SAP30BP: variants seen among roughly 807,000 people sequenced by gnomAD.
SAP30BP encodes SAP30 binding protein, also known as SAP30-binding protein.
Under a neutral mutation model 46.3 loss-of-function variants are expected in SAP30BP, and 31 were observed. The observed-to-expected ratio is 0.67, with a 90% confidence interval of 0.50 to 0.90. The LOEUF is 0.90. Ranked by LOEUF, SAP30BP falls within the 40% of genes least tolerant of loss-of-function variation. The probability of loss-of-function intolerance (pLI) is 0.00; values close to 1 mark genes in which losing one functional copy is unlikely to be tolerated. For synonymous variants in SAP30BP, 169 were observed against 144.2 expected (o/e 1.17, Z -1.23); for missense variants, 312 against 391.0 (o/e 0.80, Z 1.70).
chr17:75,702,731 C>T, intron 6 of SAP30BP, 160 bp downstream of exon 6: 1 of 470,074 alleles, frequency 2.1e-6, no homozygotes, highest in East Asian at 3.3e-5. Context: ...ACTGTGCTAA[C>T]CCAGCCAGAG....
At chr17:75,678,047 G>A (rs1398610127) in intron 3 of SAP30BP, among the ~76,000 whole-genome samples, 1 of 152,036 alleles carries the variant, frequency 6.6e-6, no homozygotes, top group African/African-American at 2.4e-5. Context: ...GTTGAGGGTG[G>A]GTTAGTATTC....
chr17:75,682,226 C>T (rs2060087457), intron 3 of SAP30BP, among the ~76,000 whole-genome samples: 1 of 151,632 alleles, frequency 6.6e-6, no homozygotes, highest in African/African-American at 2.4e-5. Flanking sequence ...CTCTTGTTGC[C>T]CAGGCTGGAG....
chr17:75,703,148 C>A, intron 6 of SAP30BP, 163 bp from the exon 7 acceptor site: 1 of 636,428 alleles, frequency 1.6e-6, no homozygotes, highest in Non-Finnish European at 2.8e-6. Context: ...CTAACAGGTC[C>A]ATCTCCCTGG....
At chr17:75,699,253 G>T (rs757380305) in intron 4 of SAP30BP, among the ~76,000 whole-genome samples, 7 of 152,006 alleles carry the variant, frequency 4.6e-5, no homozygotes, top group Non-Finnish European at 1.0e-4. Context: ...ACCCAGGCTG[G>T]AGTATAGTGG....
chr17:75,696,407 G>A (rs1481175745), intron 4 of SAP30BP, among the ~76,000 whole-genome samples: 1 of 151,646 alleles, frequency 6.6e-6, no homozygotes, highest in Admixed American at 6.6e-5. Flanking sequence ...AGCCAGGCAT[G>A]GTGGTACTTG....
intron 3 of SAP30BP, chr17:75,692,891 G>A (rs1444930668): frequency 6.6e-6 from 1 of 152,256 alleles, no homozygotes; most frequent in Non-Finnish European, 1.5e-5. Flanking sequence ...GAGGTTCCAT[G>A]AGCTGCCCCT....
chr17:75,706,065 A>G lies in SAP30BP; in HGVS notation c.718A>G (p.Thr240Ala). ...CACGACCAACGCCACGTCCACCACC[A>G]CTACCACTGCCAGCACAGCTGTTGC... ...GTTTNATSTT[T>A]TTASTAVADA... Residue 240 changes from threonine (T) to alanine (A), a missense_variant, in exon 10 of 11, where the codon ACT becomes GCT. Thr to Ala is a moderately conservative substitution (Grantham distance 58, BLOSUM62 0). Around this residue, in one of 2 missense-constraint regions of SAP30BP, gnomAD observed 296 missense variants for 346.6 expected, o/e 0.85. Coordinates refer to ENST00000584667, the MANE Select transcript of SAP30BP (RefSeq NM_013260.8). The surrounding 1 kb of genome is among the most constrained non-coding windows in gnomAD (Gnocchi z 4.6). 1.9e-6 allele frequency: 3 copies of G among 1,613,042 alleles called. No homozygotes were observed. The highest frequency in any genetic ancestry group is 2.5e-6 in the Non-Finnish European group (3 of 1,179,510).
At chr17:75,688,421 C>T (rs2060193671) in intron 3 of SAP30BP, among the ~76,000 whole-genome samples, 1 of 152,212 alleles carries the variant, frequency 6.6e-6, no homozygotes. Context: ...AGGAAACCCC[C>T]AGTCTGTAGC....
intron 6 of SAP30BP, 134 bp downstream of exon 6, chr17:75,702,705 C>T: frequency 1.9e-6 from 1 of 519,404 alleles, no homozygotes; most frequent in Non-Finnish European, 3.6e-6. Context: ...CACTGAGTGC[C>T]TGCTGGACAT....
At position 75,706,411 on chromosome 17, in the gene SAP30BP, A is replaced by C; in HGVS notation, c.817A>C (p.Thr273Pro). The C allele has an allele frequency of 6.2e-7, 1 of 1,614,070 alleles. No individual in the cohort carries two copies. The highest frequency in any genetic ancestry group is 8.5e-7 in the Non-Finnish European group (1 of 1,180,012). The change falls in exon 11 of 11, where the codon ACC becomes CCC. Residue 273 changes from threonine (T) to proline (P), a missense_variant. Thr to Pro is a conservative substitution (Grantham distance 38, BLOSUM62 -1). This residue lies in a region of SAP30BP where 296 missense variants were observed against 346.6 expected (regional missense o/e 0.85). Coordinates refer to ENST00000584667, the MANE Select transcript of SAP30BP (RefSeq NM_013260.8). This position sits in a 1 kb window ranked among gnomAD's most constrained non-coding sequence, Gnocchi z 4.6. ...VTTIAQPTIL[T>P]TTATLPAVVT... is the part of the protein sequence containing the mutation. ...AACGATAGCCCAGCCCACCATCCTC[A>C]CCACCACAGCCACCCTGCCAGCTGT...
At chr17:75,667,692 C>T (rs1345175155) in intron 1 of SAP30BP, among the ~76,000 whole-genome samples, 1 of 152,210 alleles carries the variant, frequency 6.6e-6, no homozygotes, top group Non-Finnish European at 1.5e-5. Flanking sequence ...CCTAAACTTA[C>T]TGAAAGACTC....
chr17:75,705,971 T>G (rs765505897), intron 9 of SAP30BP, 37 bp from the exon 10 acceptor site: 6 of 1,609,078 alleles, frequency 3.7e-6, no homozygotes, highest in Non-Finnish European at 4.2e-6. Context: ...GACACCCAGC[T>G]TTGCCTGGTC....
At chr17:75,685,199 T>C (rs2060138732) in intron 3 of SAP30BP, among the ~76,000 whole-genome samples, 1 of 152,184 alleles carries the variant, frequency 6.6e-6, no homozygotes, top group African/African-American at 2.4e-5. Flanking sequence ...CATGGATTGC[T>C]AACTGAGGTG....
Position 75,674,716 on chromosome 17 carries a change from T to G in SAP30BP, c.264+2853T>G, listed in dbSNP as rs867842183. 5.9e-5 allele frequency among the ~76,000 whole-genome samples: 8 copies of G among 136,456 alleles called. No homozygotes were observed. The South Asian group carries it at 9.9e-4, about 17-fold the overall frequency. 89.5% of individuals were successfully genotyped at this position (136,456 alleles called of 152,430 possible). ...TTTTTTGTTTTTTTTTTTTTTTTTTTTTTTTTTTTGAGGTGGAGTCTCCTC... is the reference window on the plus strand; with the variant it reads ...TTTTTTGTTTTTTTTTTTTTTTTTTGTTTTTTTTTGAGGTGGAGTCTCCTC... On this transcript the variant is annotated intron_variant, in intron 3 of 10. Coordinates refer to ENST00000584667, the MANE Select transcript of SAP30BP (RefSeq NM_013260.8).
intron 3 of SAP30BP, among the ~76,000 whole-genome samples, chr17:75,691,152 G>A (rs1219029307): frequency 2.0e-5 from 3 of 152,104 alleles, no homozygotes; most frequent in Non-Finnish European, 4.4e-5. Flanking sequence ...CTGAATGAGA[G>A]TCCTCTTGTT....
At chr17:75,687,917 G>GGGGTGTGTGTGTGT (rs557349211) in intron 3 of SAP30BP, among the ~76,000 whole-genome samples, 8 of 120,258 alleles carry the variant, frequency 6.7e-5, no homozygotes, top group African/African-American at 2.4e-4. Context: ...CAGTGTTTGG[G>GGGGTGTGTGTGTGT]GTGTGTGTGT....
chr17:75,699,515 A>G (rs920195519), intron 4 of SAP30BP, among the ~76,000 whole-genome samples: 4 of 152,100 alleles, frequency 2.6e-5, no homozygotes, highest in Non-Finnish European at 5.9e-5. Context: ...TAAAAAAAAA[A>G]AAAAAAACGG....
At chr17:75,701,820 G>A (rs553922530) in intron 5 of SAP30BP, among the ~76,000 whole-genome samples, 4 of 152,140 alleles carry the variant, frequency 2.6e-5, no homozygotes, top group Admixed American at 6.5e-5. Flanking sequence ...ACCCTACTTC[G>A]GATGATTCTG....
rs2060513549 is a variant in SAP30BP, at chr17:75,707,366, C to A, written c.*845C>A. On this transcript the variant is annotated 3_prime_UTR_variant, in exon 11 of 11. Coordinates refer to ENST00000584667, the MANE Select transcript of SAP30BP (RefSeq NM_013260.8). ...CCTTCCTCTGTGTGTTATCTCTGCC[C>A]CACAGCAGCCCCTGGGCAGCACCAG... 2.6e-5 allele frequency: 4 copies of A among 152,748 alleles called. No individual in the cohort carries two copies. The highest frequency in any genetic ancestry group is 2.6e-4 in the Admixed American group (4 of 15,286). 9.5% of individuals were successfully genotyped at this position (152,748 alleles called of 1,614,324 possible). A position where few individuals can be genotyped will look rare whatever the true frequency, so the allele number is the denominator to read the frequency against.
Sources: allele counts gnomAD v4.1 joint callset (sites outside exome capture counted in the v4.1 genomes callset), GRCh38; gene constraint gnomAD v4.1.1; regional missense constraint gnomAD v4.1.1; non-coding constraint Gnocchi (gnomAD v3.1); transcripts MANE v1.5; gene names NCBI Gene and HGNC (gene_info 2026-07-23, HGNC 2026-07-21).